Variants in XPNPEP3 observed in about 807,000 individuals in gnomAD.
XPNPEP3 encodes the protein X-prolyl aminopeptidase 3.
In XPNPEP3, 41 loss-of-function variants were observed where a neutral mutation model predicts 60.0. The observed-to-expected ratio is 0.68, with a 90% CI of 0.53 to 0.89. The LOEUF (loss-of-function observed/expected upper bound fraction) is 0.89. XPNPEP3 is among the 40% of genes least tolerant of loss of function. The pLI is 0.00. For missense variants in XPNPEP3, 598 were observed against 638.9 expected (o/e 0.94, Z 0.69); for synonymous variants, 212 against 223.2 (o/e 0.95, Z 0.45).
intron 6 of XPNPEP3, among the ~76,000 whole-genome samples, chr22:40,913,437 C>CAA (rs900190983): frequency 7.5e-4 from 60 of 79,688 alleles, no homozygotes; most frequent in African/African-American, 2.5e-3. Context: ...GACTCTGTCT[C>CAA]AAAAAAAAAA....
intron 2 of XPNPEP3, among the ~76,000 whole-genome samples, chr22:40,873,561 A>G (rs965063646): frequency 1.3e-5 from 2 of 152,076 alleles, no homozygotes; most frequent in Admixed American, 6.5e-5. Context: ...GCTCACGCCT[A>G]TAATCCCAGC....
rs749515284 is a variant in XPNPEP3 at position 40,919,521 on chromosome 22, T to C, written c.1056-2812T>C. Reference sequence around the variant, plus strand: ...CTGGGATTATAGGCACGTGCCACCATGCCTGGCTAATATTTTGTTTTTTTG... The same window carrying C: ...CTGGGATTATAGGCACGTGCCACCACGCCTGGCTAATATTTTGTTTTTTTG... On this transcript the variant is annotated intron_variant, in intron 7 of 9. Transcript: ENST00000357137. Among the ~76,000 whole-genome samples the C allele has an allele frequency of 9.8e-5, 15 of 152,318 alleles. No homozygotes were observed. In the Middle Eastern group the frequency reaches 0.014, roughly 138 times the overall value.
Position 40,932,352 on chromosome 22 carries a change from A to AT in XPNPEP3, c.*5922dup, listed in dbSNP as rs2058257775. The AT allele has an allele frequency of 1.3e-5, 2 of 150,720 alleles. No homozygotes were observed. The highest frequency in any genetic ancestry group is 4.9e-5 in the African/African-American group (2 of 40,934). 9.3% of individuals were successfully genotyped at this position (150,720 alleles called of 1,614,324 possible). On this transcript the variant is annotated 3_prime_UTR_variant, in exon 10 of 10. Transcript: ENST00000357137. Reference sequence around the variant, plus strand: ...GTGTGATTGTGTTTTTTTTTTTTTAATTTTTGTTTCCTGAAGTAGAATCCA... The same window carrying AT: ...GTGTGATTGTGTTTTTTTTTTTTTAATTTTTTGTTTCCTGAAGTAGAATCCA...
chr22:40,863,154 TGTGGGGA>T (rs2057960755), intron 1 of XPNPEP3, among the ~76,000 whole-genome samples: 1 of 152,184 alleles, frequency 6.6e-6, no homozygotes, highest in East Asian at 1.9e-4. Context: ...GGGAAGCCTT[TGTGGGGA>T]GTGGGGAATA....
At chr22:40,925,641 G>A (rs536564447) in intron 9 of XPNPEP3, among the ~76,000 whole-genome samples, 1 of 152,258 alleles carries the variant, frequency 6.6e-6, no homozygotes, top group African/African-American at 2.4e-5. Flanking sequence ...GCCCTGGTAT[G>A]TGTCTAACTT....
chr22:40,880,242 A>G (rs564550369), intron 2 of XPNPEP3, among the ~76,000 whole-genome samples: 1 of 152,118 alleles, frequency 6.6e-6, no homozygotes, highest in South Asian at 2.1e-4. Context: ...TTGAATTCCT[A>G]CAGTATAGAA....
At chr22:40,876,172 A>C (rs1442200467) in intron 2 of XPNPEP3, among the ~76,000 whole-genome samples, 1 of 152,206 alleles carries the variant, frequency 6.6e-6, no homozygotes, top group Non-Finnish European at 1.5e-5. Context: ...TAATAATGAA[A>C]AGTTTCTAAA....
intron 1 of XPNPEP3, among the ~76,000 whole-genome samples, chr22:40,857,992 T>C (rs1486631074): frequency 1.3e-5 from 2 of 152,248 alleles, no homozygotes; most frequent in Non-Finnish European, 2.9e-5. Context: ...CATCGACTTC[T>C]TACTATAAAA....
intron 4 of XPNPEP3, among the ~76,000 whole-genome samples, chr22:40,906,953 C>T (rs2058157842): frequency 6.6e-6 from 1 of 152,158 alleles, no homozygotes; most frequent in South Asian, 2.1e-4. Context: ...GGGCCAAACT[C>T]ACTCCACCAA....
intron 2 of XPNPEP3, among the ~76,000 whole-genome samples, chr22:40,877,322 C>T (rs950174127): frequency 1.3e-5 from 2 of 152,158 alleles, no homozygotes; most frequent in Admixed American, 1.3e-4. Flanking sequence ...GCGAAAACTA[C>T]CTAATATTAA....
chr22:40,911,126 G>T (rs1432910938), intron 6 of XPNPEP3, among the ~76,000 whole-genome samples: 2 of 152,020 alleles, frequency 1.3e-5, no homozygotes, highest in South Asian at 2.1e-4. Flanking sequence ...CCATCCCCTG[G>T]TATTATCAGA....
Position 40,929,307 on chromosome 22 carries a change from TC to T in XPNPEP3, c.*2873del, listed in dbSNP as rs896622586. On this transcript the variant is annotated 3_prime_UTR_variant, in exon 10 of 10. Coordinates refer to ENST00000357137, the MANE Select transcript of XPNPEP3 (RefSeq NM_022098.4). The stretch of plus-strand genomic sequence containing the variant: ...CCCAGGTTCAAGCGATTCTCCTGCC[TC>T]AGCCTCCCGAATAGCTAGGAATACA... The T allele has an allele frequency of 9.9e-5, 15 of 151,064 alleles. 1 individual carries two copies. Among genetic ancestry groups the T allele is most frequent in the Admixed American group, 8.0e-4 (12 of 15,058 alleles). The allele number at this position is 151,064 out of a possible 1,614,324, so 9.4% of individuals were successfully genotyped here.
chr22:40,901,994 T>C (rs1169801827), intron 4 of XPNPEP3, among the ~76,000 whole-genome samples: 4 of 152,088 alleles, frequency 2.6e-5, no homozygotes, highest in South Asian at 2.1e-4. Context: ...GTTGGTTAAT[T>C]TATATGATGT....
intron 1 of XPNPEP3, among the ~76,000 whole-genome samples, chr22:40,858,413 G>C (rs2057917936): frequency 6.6e-6 from 1 of 151,676 alleles, no homozygotes; most frequent in African/African-American, 2.4e-5. Flanking sequence ...GCTCTCCCCA[G>C]CCTGACTAAA....
At chr22:40,925,776 C>T (rs2058232585) in intron 9 of XPNPEP3, among the ~76,000 whole-genome samples, 1 of 152,182 alleles carries the variant, frequency 6.6e-6, no homozygotes, top group South Asian at 2.1e-4. Flanking sequence ...ACTGTCTCTG[C>T]AGCTTCCAGT....
At chr22:40,862,675 C>T in intron 1 of XPNPEP3, 4 of 983,826 alleles carry the variant, frequency 4.1e-6, no homozygotes, top group Non-Finnish European at 3.6e-6. Flanking sequence ...TTCTGCATGC[C>T]AGTGGTAAGT....
At chr22:40,882,350 A>C (rs542641248) in intron 3 of XPNPEP3, among the ~76,000 whole-genome samples, 173 bp downstream of exon 3, 104 of 152,278 alleles carry the variant, frequency 6.8e-4, no homozygotes, top group African/African-American at 2.5e-3. Context: ...TAAAGATTTC[A>C]TTTATGCCTG....
chr22:40,904,931 A>AT (rs2058148782), intron 4 of XPNPEP3, among the ~76,000 whole-genome samples: 1 of 151,868 alleles, frequency 6.6e-6, no homozygotes, highest in East Asian at 1.9e-4. Flanking sequence ...TGCCCAGCAA[A>AT]TTTTTTGTAT....
chr22:40,911,823 A>G (rs1670705530), intron 6 of XPNPEP3, among the ~76,000 whole-genome samples: 1 of 152,166 alleles, frequency 6.6e-6, no homozygotes, highest in African/African-American at 2.4e-5. Context: ...TACAGGCATG[A>G]GCCACCATGC....
Sources: allele counts gnomAD v4.1 joint callset (sites outside exome capture counted in the v4.1 genomes callset), GRCh38; gene constraint gnomAD v4.1.1; transcripts MANE v1.5; gene names NCBI Gene and HGNC (gene_info 2026-07-23, HGNC 2026-07-21).